SND1: variants seen among roughly 807,000 people sequenced by gnomAD.
SND1 encodes the protein staphylococcal nuclease and tudor domain containing 1.
Under a neutral mutation model 121.7 loss-of-function variants are expected in SND1, and 38 were observed. The ratio of observed to expected loss-of-function variants is 0.31; its 90% CI spans 0.24 to 0.41. The LOEUF (loss-of-function observed/expected upper bound fraction) is 0.41, where lower values mean the gene tolerates loss of function less well. SND1 is among the 10% of genes least tolerant of loss of function. SND1 has a pLI of 1.00. For missense variants in SND1, 868 were observed against 1,184.6 expected, an observed-to-expected ratio of 0.73 and a Z score of 3.92; for synonymous variants, 401 against 447.4, an observed-to-expected ratio of 0.90 and a Z score of 1.31.
intron 12 of SND1, among the ~76,000 whole-genome samples, chr7:127,883,773 T>C (rs1350206003): frequency 1.3e-5 from 2 of 152,186 alleles, no homozygotes; most frequent in Non-Finnish European, 2.9e-5. Flanking sequence ...GGAATAGTTC[T>C]TCAGTCTTTC....
intron 16 of SND1, among the ~76,000 whole-genome samples, chr7:128,003,042 C>T (rs1293827658): frequency 5.9e-5 from 9 of 152,044 alleles, no homozygotes; most frequent in African/African-American, 1.4e-4. Flanking sequence ...GCCAACATGG[C>T]GAAACCTTGT....
At chr7:127,702,551 G>T (rs746654071) in intron 6 of SND1, 25 bp downstream of exon 6, 3 of 1,592,680 alleles carry the variant, frequency 1.9e-6, no homozygotes, top group East Asian at 2.2e-5. Flanking sequence ...TTGGCTACGT[G>T]GTGGGTTTAG....
chr7:127,943,560 G>A (rs1381248569), intron 15 of SND1, among the ~76,000 whole-genome samples: 2 of 152,136 alleles, frequency 1.3e-5, no homozygotes, highest in Non-Finnish European at 2.9e-5. Context: ...TTTGGTCTCT[G>A]TGCCTGTTAC....
At chr7:127,754,175 G>A (rs773779281) in intron 10 of SND1, among the ~76,000 whole-genome samples, 1 of 152,174 alleles carries the variant, frequency 6.6e-6, no homozygotes, top group South Asian at 2.1e-4. Flanking sequence ...TGATTTCTCT[G>A]TTGGAATTGT....
chr7:127,686,967 G>C (rs1200400526), intron 2 of SND1: 4 of 506,042 alleles, frequency 7.9e-6, no homozygotes, highest in Non-Finnish European at 1.4e-5. Context: ...AAGTCTTAGA[G>C]CTTTTTCTTG....
At chr7:128,018,140 T>A (rs1803267212) in intron 16 of SND1, among the ~76,000 whole-genome samples, 1 of 152,228 alleles carries the variant, frequency 6.6e-6, no homozygotes, top group Admixed American at 6.5e-5. Flanking sequence ...GGGCACCGCC[T>A]TATGGGAAAG....
chr7:127,894,237 A>G (rs1003861407), intron 13 of SND1, among the ~76,000 whole-genome samples: 3 of 152,184 alleles, frequency 2.0e-5, no homozygotes, highest in East Asian at 3.9e-4. Context: ...ATATTTTGCA[A>G]TTCCATTGAA....
chr7:127,690,450 G>T (rs117228559), intron 2 of SND1, among the ~76,000 whole-genome samples: 1,531 of 152,300 alleles, frequency 0.01, 15 homozygotes, highest in Non-Finnish European at 0.016. Context: ...TCTGTGGCTG[G>T]TGAGCACCTG....
intron 15 of SND1, among the ~76,000 whole-genome samples, chr7:127,970,972 A>T (rs1375028795): frequency 1.3e-5 from 2 of 151,428 alleles, no homozygotes; most frequent in African/African-American, 4.9e-5. Flanking sequence ...TAAATGTTTT[A>T]AAAAATAAAA....
chr7:127,867,594 A>G (rs1490229104), intron 12 of SND1, among the ~76,000 whole-genome samples: 3 of 152,052 alleles, frequency 2.0e-5, no homozygotes, highest in Non-Finnish European at 2.9e-5. Context: ...ATCTCCTCCT[A>G]ACTCCCAGTA....
At chr7:127,779,047 G>T (rs1797671346) in intron 10 of SND1, among the ~76,000 whole-genome samples, 1 of 152,104 alleles carries the variant, frequency 6.6e-6, no homozygotes, top group Non-Finnish European at 1.5e-5. Context: ...TTCCTAATTA[G>T]TCCATATGTA....
At chr7:127,922,209 G>GTTTTGT in intron 14 of SND1, among the ~76,000 whole-genome samples, 1 of 16,736 alleles carries the variant, frequency 6.0e-5, no homozygotes, top group East Asian at 1.6e-3. Context: ...TTTTTGTTTT[G>GTTTTGT]TGAGGCAAGA....
chr7:127,991,088 G>A (rs1171513517), intron 16 of SND1, 32 bp downstream of exon 16: 1 of 1,537,576 alleles, frequency 6.5e-7, no homozygotes, highest in Non-Finnish European at 9.0e-7. Flanking sequence ...TCTTCTGTGA[G>A]GAGGGGTGAC....
At chr7:127,769,865 T>A (rs62481384) in intron 10 of SND1, among the ~76,000 whole-genome samples, 9,856 of 152,304 alleles carry the variant, frequency 0.065, 418 homozygotes, top group Middle Eastern at 0.19. Flanking sequence ...TAATCCTCTG[T>A]TGCTTTTTAA....
intron 13 of SND1, among the ~76,000 whole-genome samples, chr7:127,892,840 T>C (rs1343037490): frequency 7.0e-6 from 1 of 142,576 alleles, no homozygotes; most frequent in Non-Finnish European, 1.5e-5. Context: ...CCCACAGTTC[T>C]CTGTGACACT....
chr7:127,857,507 T>G lies in SND1; in HGVS notation c.1343+13083T>G, dbSNP rs535216545. ...ATGTATTTTTGTTTTCACTTAGTTTTGTAAGTGAGGTTTCTTTTTTTTTCT... is the reference window on the plus strand; with the variant it reads ...ATGTATTTTTGTTTTCACTTAGTTTGGTAAGTGAGGTTTCTTTTTTTTTCT... On this transcript the variant is annotated intron_variant, in intron 12 of 23. Transcript: ENST00000354725. Among the ~76,000 whole-genome samples the G allele has an allele frequency of 7.2e-5, 11 of 151,872 alleles. No individual in the cohort carries two copies. The East Asian group carries it at 2.1e-3, about 29-fold the overall frequency.
chr7:127,652,938 C>T (rs1196366418), intron 1 of SND1, among the ~76,000 whole-genome samples: 1 of 152,210 alleles, frequency 6.6e-6, no homozygotes, highest in East Asian at 1.9e-4. Context: ...CTCTTTTCCT[C>T]TCTTTCCCTC....
At chr7:128,080,431 G>A (rs998057194) in intron 17 of SND1, among the ~76,000 whole-genome samples, 3 of 152,276 alleles carry the variant, frequency 2.0e-5, no homozygotes, top group African/African-American at 7.2e-5. Flanking sequence ...TCTGGGCTGA[G>A]GTCAGAGCAA....
At chr7:127,760,678 T>G (rs1239714875) in intron 10 of SND1, among the ~76,000 whole-genome samples, 3 of 152,256 alleles carry the variant, frequency 2.0e-5, no homozygotes, top group Non-Finnish European at 4.4e-5. Flanking sequence ...TTCGCCTTTC[T>G]GCCTTCTCTT....
Sources: allele counts gnomAD v4.1 joint callset (sites outside exome capture counted in the v4.1 genomes callset), GRCh38; gene constraint gnomAD v4.1.1; transcripts MANE v1.5; gene names NCBI Gene and HGNC (gene_info 2026-07-23, HGNC 2026-07-21).